The following CELF2 variants were observed in gnomAD, a reference collection of about 807,000 sequenced individuals.
CELF2 encodes CUGBP Elav-like family member 2.
A neutral mutation model predicts 62.6 loss-of-function variants in CELF2; 8 were observed. The observed-to-expected ratio is 0.13, with a 90% CI of 0.07 to 0.23. The LOEUF is 0.23. Ranked by LOEUF, CELF2 falls within the 10% of genes least tolerant of loss-of-function variation. CELF2 has a pLI of 1.00. For missense variants in CELF2, 333 were observed against 671.0 expected (o/e 0.50, Z 5.56); for synonymous variants, 258 against 250.0 (o/e 1.03, Z -0.30).
In CELF2 at chr10:11,247,593, C is replaced by T. The variant is rs987716143; in HGVS notation, c.355-1560C>T. On this transcript the variant is annotated intron_variant, in intron 3 of 12. Coordinates refer to ENST00000633077, the MANE Select transcript of CELF2 (RefSeq NM_001326342.2). This position sits in a 1 kb window ranked among gnomAD's most constrained non-coding sequence, Gnocchi z 5.4. ...CATCCCACCCCCTCCATCCTATGCC[C>T]GCCATCCCATGCCCGCCATCCCACC... 7.3e-5 allele frequency among the ~76,000 whole-genome samples: 11 copies of T among 151,480 alleles called. No homozygotes were observed. Among genetic ancestry groups the T allele is most frequent in the East Asian group, 1.9e-4 (1 of 5,160 alleles).
chr10:10,603,950 T>A, the CELF2 span, among the ~76,000 whole-genome samples: 1 of 152,236 alleles, frequency 6.6e-6, no homozygotes, highest in Non-Finnish European at 1.5e-5. Context: ...GGCTCATGCC[T>A]GGAATCCCAG....
At chr10:10,714,625 A>G in the CELF2 span, among the ~76,000 whole-genome samples, 1 of 152,176 alleles carries the variant, frequency 6.6e-6, no homozygotes, top group Non-Finnish European at 1.5e-5. Context: ...CGACATGTTG[A>G]CAGAATTACA....
intron 1 of CELF2, among the ~76,000 whole-genome samples, chr10:10,868,618 C>T (rs1202514690): frequency 6.6e-6 from 1 of 152,202 alleles, no homozygotes; most frequent in Non-Finnish European, 1.5e-5. Context: ...GGAGATATTG[C>T]AGCTGTCTTT....
chr10:10,555,429 G>C, the CELF2 span, among the ~76,000 whole-genome samples: 1 of 152,054 alleles, frequency 6.6e-6, no homozygotes, highest in South Asian at 2.1e-4. Flanking sequence ...CACATCATTG[G>C]TAAAAACGTG....
chr10:10,643,281 G>A, the CELF2 span, among the ~76,000 whole-genome samples: 3 of 152,130 alleles, frequency 2.0e-5, no homozygotes, highest in African/African-American at 7.2e-5. Flanking sequence ...TGTATCATGG[G>A]AGGGACCCAG....
At chr10:11,210,643 T>C (rs889457098) in intron 2 of CELF2, among the ~76,000 whole-genome samples, 3 of 152,198 alleles carry the variant, frequency 2.0e-5, no homozygotes, top group Admixed American at 6.5e-5. Context: ...GAGAACACCT[T>C]ACACAGGGGA....
chr10:11,070,169 C>T (rs1291862), intron 1 of CELF2, among the ~76,000 whole-genome samples: 4 of 151,766 alleles, frequency 2.6e-5, no homozygotes, highest in Non-Finnish European at 4.4e-5. Flanking sequence ...CTTTTTTCTT[C>T]GTATACAGTG....
chr10:10,616,331 TGA>T, the CELF2 span, among the ~76,000 whole-genome samples: 1 of 147,426 alleles, frequency 6.8e-6, no homozygotes, highest in African/African-American at 2.5e-5. Context: ...TGTGTGTGTG[TGA>T]TTATCTAAAA....
At chr10:11,129,751 A>G (rs1163384092) in intron 1 of CELF2, among the ~76,000 whole-genome samples, 2 of 152,046 alleles carry the variant, frequency 1.3e-5, no homozygotes, top group Non-Finnish European at 2.9e-5. Context: ...TATTGCGTCT[A>G]TTTGATTCTT....
chr10:11,201,330 T>C (rs571578371), intron 2 of CELF2, among the ~76,000 whole-genome samples: 40 of 152,274 alleles, frequency 2.6e-4, no homozygotes, highest in Non-Finnish European at 5.1e-4. Context: ...CCCTTATGGA[T>C]ATTGGTGGGT....
intron 2 of CELF2, among the ~76,000 whole-genome samples, chr10:10,975,599 G>A (rs1460671337): frequency 6.6e-6 from 1 of 152,176 alleles, no homozygotes; most frequent in Non-Finnish European, 1.5e-5. Context: ...ACTTGCATTT[G>A]TGATATTCAC....
In CELF2 at chr10:10,871,079, T is replaced by A. The variant is rs528548749; in HGVS notation, c.54-48885T>A. The stretch of plus-strand genomic sequence containing the variant: ...ACAGTCAAGATGCAGATTTAATTTA[T>A]TCCCTGGGAGGACTAAAGGTGGCTA... On this transcript the variant is annotated intron_variant, in intron 1 of 13. Coordinates refer to the CELF2 transcript ENST00000636488. 1.1e-4 allele frequency among the ~76,000 whole-genome samples: 16 copies of A among 152,240 alleles called. No homozygotes were observed. In the East Asian group the frequency reaches 3.1e-3, roughly 29 times the overall value.
rs1021242443 is a variant in CELF2, at chr10:11,237,847, T to A, written c.355-11306T>A. 2.0e-5 allele frequency among the ~76,000 whole-genome samples: 3 copies of A among 152,238 alleles called. No homozygotes were observed. Among genetic ancestry groups the A allele is most frequent in the African/African-American group, 7.2e-5 (3 of 41,462 alleles). ...GTTGTTAAACCACAACTCGTTTCTC[T>A]TAAAATATGAGAGAATACTGTTTGT... On this transcript the variant is annotated intron_variant, in intron 3 of 12. Transcript: ENST00000633077. This position sits in a 1 kb window ranked among gnomAD's most constrained non-coding sequence, Gnocchi z 4.0.
chr10:10,843,975 T>C (rs1191026780), intron 1 of CELF2, among the ~76,000 whole-genome samples: 4 of 151,984 alleles, frequency 2.6e-5, no homozygotes, highest in Non-Finnish European at 4.4e-5. Flanking sequence ...AAGGGAATCA[T>C]GAATAAGGGA....
chr10:10,507,877 A>G, the CELF2 span, among the ~76,000 whole-genome samples: 1 of 152,186 alleles, frequency 6.6e-6, no homozygotes, highest in Non-Finnish European at 1.5e-5. Context: ...AAAGCCCTCA[A>G]ATTTAGTCAT....
the CELF2 span, among the ~76,000 whole-genome samples, chr10:10,724,959 C>T: frequency 1.7e-5 from 2 of 118,440 alleles, no homozygotes; most frequent in African/African-American, 2.9e-5. Context: ...GTCATAAAAC[C>T]TAGAAGGTGG....
At chr10:11,016,881 CA>C (rs1250024101), upstream of CELF2, among the ~76,000 whole-genome samples, 1 of 152,178 alleles carries the variant, frequency 6.6e-6, no homozygotes, top group African/African-American at 2.4e-5. This position sits in a 1 kb window ranked among gnomAD's most constrained non-coding sequence, Gnocchi z 5.2. Context: ...ATTACAAAAT[CA>C]AGTGAAGGTT....
At chr10:10,783,848 C>T in the CELF2 span, among the ~76,000 whole-genome samples, 7 of 152,170 alleles carry the variant, frequency 4.6e-5, no homozygotes, top group South Asian at 4.2e-4. Flanking sequence ...AGTAGCTGGG[C>T]GTGGTGGTAC....
At position 11,331,616 on chromosome 10, in the gene CELF2, C is replaced by A. The variant is rs539509702; in HGVS notation, c.*2563C>A. ...AATCCCTAATATTTAAAAAAAAAAACAAAACAAAAAAAGGTTACAAAGTTT... is the reference window on the plus strand; with the variant it reads ...AATCCCTAATATTTAAAAAAAAAAAAAAAACAAAAAAAGGTTACAAAGTTT... On this transcript the variant is annotated 3_prime_UTR_variant, in exon 13 of 13. Transcript: ENST00000633077. The A allele has an allele frequency of 1.2e-3, 176 of 150,134 alleles. No individual in the cohort carries two copies. The highest frequency in any genetic ancestry group is 3.2e-3 in the African/African-American group (129 of 40,736). The allele number at this position is 150,134 out of a possible 1,614,324, so 9.3% of individuals were successfully genotyped here.
Sources: gnomAD v4.1 joint callset for allele counts (sites outside exome capture counted in the v4.1 genomes callset) on GRCh38, gnomAD v4.1.1 for gene constraint, Gnocchi (gnomAD v3.1) non-coding constraint, MANE v1.5 for transcripts, NCBI Gene and HGNC (gene_info 2026-07-23, HGNC 2026-07-21) for gene names.